KIAA1614: variants seen among roughly 807,000 people sequenced by gnomAD.
The protein encoded by KIAA1614 is KIAA1614.
Under a neutral mutation model 88.7 loss-of-function variants are expected in KIAA1614, and 76 were observed. That is an observed-to-expected ratio of 0.86 (90% CI 0.71 to 1.04). KIAA1614 has a LOEUF of 1.04. KIAA1614 is among the 50% of genes least tolerant of loss of function. The pLI, the probability that KIAA1614 is intolerant of heterozygous loss-of-function variation, is 0.00. For missense variants in KIAA1614, 1,553 were observed against 1,582.5 expected (o/e 0.98, Z 0.32); for synonymous variants, 714 against 675.5 (o/e 1.06, Z -0.88).
intron 3 of KIAA1614, chr1:180,928,225 C>G (rs911708376): frequency 3.6e-6 from 2 of 551,314 alleles, no homozygotes; most frequent in African/African-American, 2.0e-5. Flanking sequence ...CCATCCAGAG[C>G]CACGCAGGGC....
rs200852158 is a variant in KIAA1614, at chr1:180,917,898, G to A, written c.1045G>A (p.Asp349Asn). 7.4e-6 allele frequency: 12 copies of A among 1,613,744 alleles called. No homozygotes were observed. In the African/African-American group the frequency reaches 1.5e-4, roughly 20 times the overall value. ...VDWASGTSLQ[D>N]SGQNRTVGPN... The stretch of plus-strand genomic sequence containing the variant: ...CTGGGCCTCGGGCACCTCCTTGCAG[G>A]ACTCCGGCCAGAACAGGTAAGAGCT... The change falls in exon 3 of 9, where the codon GAC becomes AAC. Residue 349 changes from aspartate to asparagine, a missense_variant. By Grantham distance (23) the Asp-to-Asn change is conservative. Transcript: ENST00000367588.
chr1:180,940,724 CTTTT>C (rs1214396164), intron 6 of KIAA1614, among the ~76,000 whole-genome samples: 3 of 143,986 alleles, frequency 2.1e-5, no homozygotes, highest in Non-Finnish European at 4.6e-5. Context: ...TTTTTTCTTT[CTTTT>C]CTTTTTTTTG....
chr1:180,920,773 G>T (rs1653936378), intron 3 of KIAA1614, among the ~76,000 whole-genome samples: 1 of 152,094 alleles, frequency 6.6e-6, no homozygotes, highest in East Asian at 1.9e-4. Context: ...GAGTCAGCCT[G>T]GGAGGCAACG....
chr1:180,930,135 G>C (rs1654161852), intron 4 of KIAA1614, among the ~76,000 whole-genome samples: 1 of 152,104 alleles, frequency 6.6e-6, no homozygotes, highest in African/African-American at 2.4e-5. Context: ...AATGGGCATG[G>C]TGGGCTGGGC....
At position 180,945,380 on chromosome 1, in the gene KIAA1614, G is replaced by A. The variant is rs754713476; in HGVS notation, c.3365G>A (p.Arg1122His). The part of the protein sequence containing the change: ...GAPSLARTVG[R>H]LVEVFPDGTS... ...CCCAGCCTGGCTCGCACCGTGGGCC[G>A]CCTGGTGGAGGTGTTCCCAGACGGC... The change falls in exon 9 of 9, where the codon CGC becomes CAC. Residue 1122 changes from arginine (R) to histidine (H), a missense_variant. By Grantham distance (29) the Arg-to-His change is conservative (BLOSUM62 0). Coordinates refer to ENST00000367588, the MANE Select transcript of KIAA1614 (RefSeq NM_020950.2). 1.7e-5 allele frequency: 27 copies of A among 1,599,166 alleles called. No individual in the cohort carries two copies. Among genetic ancestry groups the A allele is most frequent in the Admixed American group, 7.2e-5 (4 of 55,830 alleles).
At position 180,944,208 on chromosome 1, in the gene KIAA1614, A is replaced by T. The variant is rs977758972; in HGVS notation, c.3160-181A>T. 1.1e-5 allele frequency: 6 copies of T among 550,634 alleles called. No homozygotes were observed. The African/African-American group carries it at 1.1e-4, about 10-fold the overall frequency. The allele number at this position is 550,634 out of a possible 1,614,324, so 34.1% of individuals were successfully genotyped here. A position where few individuals can be genotyped will look rare whatever the true frequency, so the allele number is the denominator to read the frequency against. On this transcript the variant is annotated intron_variant, in intron 7 of 8. Coordinates refer to ENST00000367588, the MANE Select transcript of KIAA1614 (RefSeq NM_020950.2). ...ACTCCCTTGACTCCTCAGATGGCCT[A>T]TGTAGACCCATGATGTCCTTGAGTA...
At position 180,935,505 on chromosome 1, in the gene KIAA1614, C is replaced by G; in HGVS notation, c.1596C>G (p.Ser532Arg). ...ACCCGGCACCGCCGGCACCGGGCAGCGAGAGGAGGTGCCAGGCCTGCGGCA... is the reference window on the plus strand; with the variant it reads ...ACCCGGCACCGCCGGCACCGGGCAGGGAGAGGAGGTGCCAGGCCTGCGGCA... The part of the protein sequence containing the change: ...RGHPAPPAPG[S>R]ERRCQACGSC... The change falls in exon 5 of 9, where the codon AGC becomes AGG. Residue 532 changes from serine to arginine, a missense_variant. Physicochemically the swap from Ser to Arg is moderately radical, Grantham distance 110. Transcript: ENST00000367588. The surrounding 1 kb of genome is among the most constrained non-coding windows in gnomAD (Gnocchi z 6.1). The G allele has an allele frequency of 1.3e-6, 2 of 1,518,662 alleles. No individual in the cohort carries two copies. The highest frequency in any genetic ancestry group is 8.8e-7 in the Non-Finnish European group (1 of 1,137,912). 94.1% of individuals were successfully genotyped at this position (1,518,662 alleles called of 1,614,324 possible). A position where few individuals can be genotyped will look rare whatever the true frequency, so the allele number is the denominator to read the frequency against.
intron 4 of KIAA1614, among the ~76,000 whole-genome samples, chr1:180,930,046 A>AG (rs1362199899): frequency 6.6e-6 from 1 of 152,134 alleles, no homozygotes. Flanking sequence ...AATCCTGGCA[A>AG]GGGGTGCCAA....
chr1:180,938,419 C>A, intron 5 of KIAA1614, 136 bp from the exon 6 acceptor site: 1 of 930,430 alleles, frequency 1.1e-6, no homozygotes. Context: ...CTTCCCAGGT[C>A]TCTCCACTGC....
chr1:180,928,411 C>T lies in KIAA1614; in HGVS notation c.1062-19C>T, dbSNP rs768985576. On this transcript the variant is annotated intron_variant, in intron 3 of 8. Coordinates refer to ENST00000367588, the MANE Select transcript of KIAA1614 (RefSeq NM_020950.2). ...TCTAATCCCTCCCCCACCACCCTGGCCTGTGTGCCACGCTGCAGGACCGTT... is the reference window on the plus strand; with the variant it reads ...TCTAATCCCTCCCCCACCACCCTGGTCTGTGTGCCACGCTGCAGGACCGTT... 1 of 1,578,480 alleles carries T rather than the reference C, an allele frequency of 6.3e-7. No homozygotes were observed. The highest frequency in any genetic ancestry group is 8.6e-7 in the Non-Finnish European group (1 of 1,159,038).
Position 180,913,101 on chromosome 1 carries a change from C to T in KIAA1614, c.-143C>T, listed in dbSNP as rs1653690141. 2.0e-6 allele frequency: 1 copy of T among 505,906 alleles called. No homozygotes were observed. The highest frequency in any genetic ancestry group is 2.0e-5 in the African/African-American group (1 of 49,786). The allele number at this position is 505,906 out of a possible 1,614,324, so 31.3% of individuals were successfully genotyped here. A position where few individuals can be genotyped will look rare whatever the true frequency, so the allele number is the denominator to read the frequency against. ...GCCCGGCCTCGGCGCCGTCCCGGAC[C>T]CCCAGTCGGCCGCGCCCCGAGGGGC... On this transcript the variant is annotated 5_prime_UTR_variant, in exon 1 of 9. Transcript: ENST00000367588.
chr1:180,925,230 A>T (rs1022296597), intron 3 of KIAA1614, among the ~76,000 whole-genome samples: 1 of 152,246 alleles, frequency 6.6e-6, no homozygotes, highest in African/African-American at 2.4e-5. Flanking sequence ...CATGGAGCAC[A>T]TGACCCAGAA....
chr1:180,936,062 C>T lies in KIAA1614; in HGVS notation c.2153C>T (p.Ser718Phe). 1.2e-6 allele frequency: 2 copies of T among 1,614,150 alleles called. No individual in the cohort carries two copies. The highest frequency in any genetic ancestry group is 1.1e-5 in the South Asian group (1 of 91,080). Residue 718 changes from serine (S) to phenylalanine (F), a missense_variant, in exon 5 of 9, where the codon TCC (serine) becomes TTC (phenylalanine). By Grantham distance (155) the Ser-to-Phe change is radical (BLOSUM62 -2). Transcript: ENST00000367588. The part of the protein sequence containing the change: ...KPPDLELKRV[S>F]LGPQWQPGPG... ...CCTGACCTGGAGTTGAAGCGGGTGT[C>T]CCTGGGACCCCAGTGGCAGCCTGGA...
chr1:180,929,350 G>T (rs1654143149), intron 4 of KIAA1614, among the ~76,000 whole-genome samples: 1 of 152,182 alleles, frequency 6.6e-6, no homozygotes, highest in African/African-American at 2.4e-5. Context: ...TTCTGACTCG[G>T]TGTCTGTGTG....
In KIAA1614 at chr1:180,948,178, A is replaced by G. The variant is rs1425706194; in HGVS notation, c.*2590A>G. 3.3e-5 allele frequency: 5 copies of G among 152,262 alleles called. No homozygotes were observed. The highest frequency in any genetic ancestry group is 1.2e-4 in the African/African-American group (5 of 41,462). 9.4% of individuals were successfully genotyped at this position (152,262 alleles called of 1,614,324 possible). A position where few individuals can be genotyped will look rare whatever the true frequency, so the allele number is the denominator to read the frequency against. On this transcript the variant is annotated 3_prime_UTR_variant, in exon 9 of 9. Transcript: ENST00000367588. ...ATGGCACACAGGGGTCCCCACGCACATGAAGCCTGGCGAGTGCTGGGGCCT... is the reference window on the plus strand; with the variant it reads ...ATGGCACACAGGGGTCCCCACGCACGTGAAGCCTGGCGAGTGCTGGGGCCT...
intron 1 of KIAA1614, among the ~76,000 whole-genome samples, chr1:180,914,610 C>T (rs934515425): frequency 6.0e-5 from 9 of 150,662 alleles, no homozygotes; most frequent in Non-Finnish European, 7.4e-5. Context: ...AGTGCAGTGG[C>T]GGGATCTCGC....
At position 180,913,168 on chromosome 1, in the gene KIAA1614, C is replaced by A; in HGVS notation, c.-76C>A. 2.6e-6 allele frequency: 3 copies of A among 1,135,620 alleles called. No individual in the cohort carries two copies. The highest frequency in any genetic ancestry group is 3.4e-6 in the Non-Finnish European group (3 of 889,622). 70.3% of individuals were successfully genotyped at this position (1,135,620 alleles called of 1,614,324 possible). A position where few individuals can be genotyped will look rare whatever the true frequency, so the allele number is the denominator to read the frequency against. On this transcript the variant is annotated 5_prime_UTR_variant, in exon 1 of 9. It adds an upstream start codon to the 5' untranslated region. Transcript: ENST00000367588. ...ACTCCCTCCGGCCCCGGATTCGGGG[C>A]TGGAAGTCCCTCCCCGAACCCAGCA...
At position 180,935,172 on chromosome 1, in the gene KIAA1614, C is replaced by A; in HGVS notation, c.1263C>A (p.Ser421Arg). Residue 421 changes from serine (S) to arginine (R), a missense_variant, in exon 5 of 9, where the codon AGC becomes AGA. Transcript: ENST00000367588. This position sits in a 1 kb window ranked among gnomAD's most constrained non-coding sequence, Gnocchi z 6.1. ...GGACGACCCCTGCCTGCAGAGACAG[C>A]CTCCAGAACGGGCACACGAGCGATT... ...DPRTTPACRD[S>R]LQNGHTSDSS... The A allele has an allele frequency of 2.0e-6, 3 of 1,466,048 alleles. No individual in the cohort carries two copies. The highest frequency in any genetic ancestry group is 2.6e-5 in the Admixed American group (1 of 38,484). 90.8% of individuals were successfully genotyped at this position (1,466,048 alleles called of 1,614,324 possible). A position where few individuals can be genotyped will look rare whatever the true frequency, so the allele number is the denominator to read the frequency against.
intron 3 of KIAA1614, chr1:180,928,176 C>G (rs1654109851): frequency 2.5e-6 from 1 of 404,218 alleles, no homozygotes; most frequent in Admixed American, 4.4e-5. Flanking sequence ...GCCTCCAGTG[C>G]CTGAGCAGAT....
Sources: gnomAD v4.1 joint callset for allele counts (sites outside exome capture counted in the v4.1 genomes callset) on GRCh38, gnomAD v4.1.1 for gene constraint, Gnocchi (gnomAD v3.1) non-coding constraint, MANE v1.5 for transcripts, NCBI Gene and HGNC (gene_info 2026-07-23, HGNC 2026-07-21) for gene names.